Variants in NTM observed in about 807,000 individuals in gnomAD.
NTM encodes neurotrimin, also known as IgLON family member 2.
Under a neutral mutation model 42.1 loss-of-function variants are expected in NTM, and 13 were observed. The ratio of observed to expected loss-of-function variants is 0.31; its 90% CI spans 0.20 to 0.49. The LOEUF (loss-of-function observed/expected upper bound fraction) is 0.49. NTM is among the 20% of genes least tolerant of loss of function. NTM has a pLI of 0.99. For synonymous variants in NTM, 187 were observed against 179.2 expected (o/e 1.04, Z -0.35); for missense variants, 373 against 452.8 (o/e 0.82, Z 1.60).
intron 1 of NTM, among the ~76,000 whole-genome samples, chr11:131,759,394 G>A (rs1446702513): frequency 2.6e-5 from 4 of 152,188 alleles, no homozygotes; most frequent in African/African-American, 7.2e-5. Flanking sequence ...GCAAACAAAA[G>A]ACAATATGCC....
intron 1 of NTM, among the ~76,000 whole-genome samples, chr11:131,614,627 C>A (rs2061747176): frequency 6.6e-6 from 1 of 152,136 alleles, no homozygotes; most frequent in African/African-American, 2.4e-5. Flanking sequence ...TTTTCTGGGG[C>A]CAGCTCTGGG....
chr11:131,764,545 C>T (rs376176770), intron 1 of NTM, among the ~76,000 whole-genome samples: 1 of 152,294 alleles, frequency 6.6e-6, no homozygotes, highest in East Asian at 1.9e-4. Flanking sequence ...AATTTTGGCT[C>T]TGCCACTAAC....
chr11:131,836,098 A>C (rs942646871), intron 1 of NTM, among the ~76,000 whole-genome samples: 19 of 152,254 alleles, frequency 1.2e-4, no homozygotes, highest in African/African-American at 4.6e-4. Context: ...GGTCATTTTC[A>C]ATTTCTTTAA....
intron 1 of NTM, among the ~76,000 whole-genome samples, chr11:131,427,009 T>C (rs2135879308): frequency 6.6e-6 from 1 of 152,184 alleles, no homozygotes; most frequent in South Asian, 2.1e-4. Context: ...AGGAGGGCAA[T>C]GGTTCTGGTG....
At chr11:131,462,196 G>A (rs1198185737) in intron 1 of NTM, among the ~76,000 whole-genome samples, 2 of 152,196 alleles carry the variant, frequency 1.3e-5, no homozygotes, top group Non-Finnish European at 2.9e-5. Context: ...AGAACATTCT[G>A]GAAAAGGCAA....
chr11:131,911,753 G>A (rs2055076052), intron 2 of NTM, 105 bp downstream of exon 2: 1 of 1,411,526 alleles, frequency 7.1e-7, no homozygotes, highest in Admixed American at 1.7e-5. Flanking sequence ...TGGCGGAGAG[G>A]TCGCTGGTTC....
chr11:131,971,284 C>T (rs1320301899), intron 2 of NTM, among the ~76,000 whole-genome samples: 1 of 152,100 alleles, frequency 6.6e-6, no homozygotes, highest in African/African-American at 2.4e-5. Flanking sequence ...AAAATGACAC[C>T]TCACTGTTAT....
intron 2 of NTM, among the ~76,000 whole-genome samples, chr11:131,948,364 C>CAAAAAAA (rs61645846): frequency 2.8e-4 from 26 of 92,716 alleles, no homozygotes; most frequent in Non-Finnish European, 4.2e-4. Flanking sequence ...GACTCCATCT[C>CAAAAAAA]AAAAAAAACA....
intron 1 of NTM, among the ~76,000 whole-genome samples, chr11:131,532,883 T>C (rs1342122731): frequency 6.6e-6 from 1 of 152,196 alleles, no homozygotes; most frequent in Non-Finnish European, 1.5e-5. Flanking sequence ...TGGAGAAACG[T>C]CTATTCAAGT....
At chr11:131,952,005 G>A (rs1006361983) in intron 2 of NTM, among the ~76,000 whole-genome samples, 3 of 151,876 alleles carry the variant, frequency 2.0e-5, no homozygotes, top group African/African-American at 7.3e-5. Flanking sequence ...GTAATACCCT[G>A]GTCTTACTCC....
rs1212452770 is a variant in NTM at position 131,789,459 on chromosome 11, A to G, written c.83-122105A>G. ...AAGAAGAAGAAGAAGAAGAAGAAGA[A>G]GAAGAAGAAGAAGAAGAAGAAGAAG... On this transcript the variant is annotated intron_variant, in intron 1 of 8. Transcript: ENST00000683400. 5.2e-4 allele frequency among the ~76,000 whole-genome samples: 7 copies of G among 13,338 alleles called. 1 individual carries two copies. The highest frequency in any genetic ancestry group is 1.9e-3 in the Admixed American group (2 of 1,034). 8.8% of individuals were successfully genotyped at this position (13,338 alleles called of 152,430 possible). A position where few individuals can be genotyped will look rare whatever the true frequency, so the allele number is the denominator to read the frequency against.
At chr11:132,102,669 A>T (rs1165893743) in intron 2 of NTM, among the ~76,000 whole-genome samples, 2 of 152,186 alleles carry the variant, frequency 1.3e-5, no homozygotes, top group Admixed American at 1.3e-4. Context: ...TAGTTTTCTC[A>T]TTGGTCTTCC....
intron 1 of NTM, among the ~76,000 whole-genome samples, chr11:131,597,043 G>A (rs2059872574): frequency 6.6e-6 from 1 of 152,244 alleles, no homozygotes; most frequent in African/African-American, 2.4e-5. Context: ...AGCTTTGCTG[G>A]CAGCTGATTA....
chr11:132,123,439 A>G (rs926760759), intron 2 of NTM, among the ~76,000 whole-genome samples: 1 of 152,216 alleles, frequency 6.6e-6, no homozygotes, highest in Non-Finnish European at 1.5e-5. Context: ...TAGGAGACCA[A>G]CAATTAATAA....
At chr11:131,642,184 G>A (rs550437511) in intron 1 of NTM, among the ~76,000 whole-genome samples, 59 of 152,276 alleles carry the variant, frequency 3.9e-4, no homozygotes, top group African/African-American at 9.1e-4. Flanking sequence ...GATAAACAGT[G>A]CTAAGCAGGC....
intron 1 of NTM, among the ~76,000 whole-genome samples, chr11:131,424,934 C>CGGTGG (rs970692981): frequency 6.9e-6 from 1 of 144,572 alleles, no homozygotes; most frequent in African/African-American, 2.6e-5. Context: ...GGTTGGAATG[C>CGGTGG]GGTGGCTCGA....
chr11:131,441,652 T>C (rs1591673740), intron 1 of NTM, among the ~76,000 whole-genome samples: 1 of 152,278 alleles, frequency 6.6e-6, no homozygotes, highest in African/African-American at 2.4e-5. Context: ...TCCAAACCCA[T>C]ATGAATGAAT....
intron 4 of NTM, among the ~76,000 whole-genome samples, chr11:132,302,716 G>A (rs1419178990): frequency 6.6e-6 from 1 of 152,200 alleles, no homozygotes; most frequent in African/African-American, 2.4e-5. Context: ...AGCCCCCTGT[G>A]TGCAGCACAA....
intron 3 of NTM, among the ~76,000 whole-genome samples, chr11:132,157,403 T>A (rs2073408318): frequency 6.6e-6 from 1 of 152,196 alleles, no homozygotes; most frequent in South Asian, 2.1e-4. Flanking sequence ...CTTTTTGTCC[T>A]TGGGGTATCT....
Sources: gnomAD v4.1 joint callset for allele counts (sites outside exome capture counted in the v4.1 genomes callset) on GRCh38, gnomAD v4.1.1 for gene constraint, MANE v1.5 for transcripts, NCBI Gene and HGNC (gene_info 2026-07-23, HGNC 2026-07-21) for gene names.